Variants in CSMD1 observed in about 807,000 individuals in gnomAD.
The protein encoded by CSMD1 is CUB and Sushi multiple domains 1.
A neutral mutation model predicts 417.5 loss-of-function variants in CSMD1; 213 were observed. The ratio of observed to expected loss-of-function variants is 0.51; its 90% CI spans 0.46 to 0.57. The LOEUF is 0.57. Among genes scored for constraint, CSMD1 ranks in the 20% least tolerant of loss-of-function variants. The pLI is 0.00. For synonymous variants in CSMD1, 2,862 were observed against 1,736.8 expected (o/e 1.65, Z -16.11); for missense variants, 6,923 against 4,529.7 (o/e 1.53, Z -15.17).
intron 53 of CSMD1, among the ~76,000 whole-genome samples, chr8:2,999,700 C>T (rs1807227083): frequency 6.6e-6 from 1 of 152,060 alleles, no homozygotes; most frequent in Non-Finnish European, 1.5e-5. Context: ...GCCAGGGATC[C>T]ATTTACAATG....
intron 20 of CSMD1, among the ~76,000 whole-genome samples, chr8:3,362,080 ATCAAT>A (rs1809224937): frequency 6.6e-6 from 1 of 151,990 alleles, no homozygotes; most frequent in Admixed American, 6.6e-5. Context: ...TTCCCCCTTC[ATCAAT>A]TCTCTTATTT....
intron 1 of CSMD1, among the ~76,000 whole-genome samples, chr8:4,828,891 C>G (rs1403329880): frequency 6.6e-6 from 1 of 152,162 alleles, no homozygotes; most frequent in Non-Finnish European, 1.5e-5. Flanking sequence ...GTTCCACATC[C>G]TCGTCCCAGT....
intron 3 of CSMD1, among the ~76,000 whole-genome samples, chr8:4,297,017 GGGAAAGAGTAAT>G (rs1484824029): frequency 1.3e-5 from 2 of 152,118 alleles, no homozygotes; most frequent in Admixed American, 1.3e-4. Flanking sequence ...AGGAAGTGCT[GGGAAAGAGTAAT>G]GCTACATTTT....
At chr8:4,926,293 T>C (rs555600042) in intron 1 of CSMD1, among the ~76,000 whole-genome samples, 1 of 152,282 alleles carries the variant, frequency 6.6e-6, no homozygotes, top group South Asian at 2.1e-4. Flanking sequence ...TTTTTTTTGG[T>C]TCTAACGAAA....
chr8:4,532,965 C>A (rs1023417001), intron 2 of CSMD1, among the ~76,000 whole-genome samples: 2 of 152,142 alleles, frequency 1.3e-5, no homozygotes, highest in Non-Finnish European at 2.9e-5. Context: ...AAATCCTGCA[C>A]CGTCATTCAC....
At chr8:4,599,572 T>A (rs1302868380) in intron 2 of CSMD1, among the ~76,000 whole-genome samples, 4 of 152,164 alleles carry the variant, frequency 2.6e-5, no homozygotes, top group African/African-American at 9.7e-5. Flanking sequence ...CATTGATAAG[T>A]TACGTCAACG....
At chr8:4,382,512 T>A (rs1584988871) in intron 3 of CSMD1, among the ~76,000 whole-genome samples, 1 of 152,348 alleles carries the variant, frequency 6.6e-6, no homozygotes, top group East Asian at 1.9e-4. Flanking sequence ...TCACCGCTCT[T>A]CTTTTAAACT....
chr8:4,964,949 A>G (rs1006365483), intron 1 of CSMD1, among the ~76,000 whole-genome samples: 1 of 152,164 alleles, frequency 6.6e-6, no homozygotes. Flanking sequence ...CTTTCTTTGC[A>G]TATGTACTTG....
At chr8:3,342,492 AG>A (rs1161722753) in intron 23 of CSMD1, among the ~76,000 whole-genome samples, 1 of 152,230 alleles carries the variant, frequency 6.6e-6, no homozygotes, top group African/African-American at 2.4e-5. Flanking sequence ...TTAATTAATT[AG>A]TTAATTTTAA....
At chr8:3,488,000 G>A (rs115218939) in intron 11 of CSMD1, among the ~76,000 whole-genome samples, 1 of 149,410 alleles carries the variant, frequency 6.7e-6, no homozygotes, top group Non-Finnish European at 1.5e-5. Context: ...CTAAAAAAAA[G>A]ACCCTACAAA....
chr8:3,422,741 T>C (rs767635378), intron 12 of CSMD1, among the ~76,000 whole-genome samples: 4 of 152,176 alleles, frequency 2.6e-5, no homozygotes, highest in South Asian at 2.1e-4. Flanking sequence ...CAGAAAAACA[T>C]AGACTGGGTA....
At position 4,853,083 on chromosome 8, in the gene CSMD1, T is replaced by C. The variant is rs1393685923; in HGVS notation, c.85+141249A>G. Among the ~76,000 whole-genome samples the C allele has an allele frequency of 2.0e-5, 3 of 152,188 alleles. No homozygotes were observed. The East Asian group carries it at 5.8e-4, about 29-fold the overall frequency. On this transcript the variant is annotated intron_variant, in intron 1 of 69. Transcript: ENST00000635120. ...ATAAACATTTGGAAAATTTGCAGCC[T>C]ACCCATGTGGTAGAAAAGAAAAGCA...
chr8:4,273,124 G>T (rs915375862), intron 3 of CSMD1, among the ~76,000 whole-genome samples: 1 of 152,090 alleles, frequency 6.6e-6, no homozygotes, highest in African/African-American at 2.4e-5. Context: ...AGAGCCAAAT[G>T]ATAGAGGGAA....
chr8:3,019,376 G>A (rs1038648933), intron 51 of CSMD1, among the ~76,000 whole-genome samples: 1 of 152,098 alleles, frequency 6.6e-6, no homozygotes, highest in Non-Finnish European at 1.5e-5. Flanking sequence ...TTACATAGTA[G>A]TAATTACCAG....
At chr8:4,700,143 T>C (rs1807431967) in intron 1 of CSMD1, among the ~76,000 whole-genome samples, 1 of 152,156 alleles carries the variant, frequency 6.6e-6, no homozygotes, top group Non-Finnish European at 1.5e-5. Context: ...TTTTTATTTT[T>C]AACTGACCTT....
chr8:3,899,811 C>A (rs971783336), intron 5 of CSMD1, among the ~76,000 whole-genome samples: 1 of 152,158 alleles, frequency 6.6e-6, no homozygotes, highest in Non-Finnish European at 1.5e-5. Context: ...GGATAGCACC[C>A]TTCAGTATGA....
At chr8:4,429,507 T>A (rs1797751585) in intron 2 of CSMD1, among the ~76,000 whole-genome samples, 1 of 152,152 alleles carries the variant, frequency 6.6e-6, no homozygotes, top group Admixed American at 6.6e-5. Flanking sequence ...GCTTATATAA[T>A]TTGTAGAATT....
intron 3 of CSMD1, among the ~76,000 whole-genome samples, chr8:4,086,126 T>C (rs542446498): frequency 6.6e-6 from 1 of 152,358 alleles, no homozygotes; most frequent in Non-Finnish European, 1.5e-5. Context: ...AGGTAGATGT[T>C]ATTGCTACAT....
intron 3 of CSMD1, among the ~76,000 whole-genome samples, chr8:4,368,969 T>G (rs1262590559): frequency 1.3e-5 from 2 of 152,076 alleles, no homozygotes; most frequent in African/African-American, 4.8e-5. Flanking sequence ...CAGCTCTGAT[T>G]TTGGTTATTT....
Sources: allele counts gnomAD v4.1 joint callset (sites outside exome capture counted in the v4.1 genomes callset), GRCh38; gene constraint gnomAD v4.1.1; transcripts MANE v1.5; gene names NCBI Gene and HGNC (gene_info 2026-07-23, HGNC 2026-07-21).